Variants in CPT1B observed in about 807,000 individuals in gnomAD.
CPT1B encodes carnitine palmitoyltransferase 1B.
A neutral mutation model predicts 92.7 loss-of-function variants in CPT1B; 57 were observed. That is an observed-to-expected ratio of 0.62 (90% CI 0.50 to 0.77). The LOEUF (loss-of-function observed/expected upper bound fraction) is 0.77. CPT1B is among the 30% of genes least tolerant of loss of function. CPT1B has a pLI of 0.00. For synonymous variants in CPT1B, 398 were observed against 383.5 expected (o/e 1.04, Z -0.44); for missense variants, 983 against 1,017.4 (o/e 0.97, Z 0.46).
chr22:50,577,960 G>A (rs376200096), intron 1 of CPT1B, 26 bp from the exon 2 acceptor site: 26 of 1,569,772 alleles, frequency 1.7e-5, no homozygotes, highest in East Asian at 2.3e-5. Flanking sequence ...ATGGGTGCGC[G>A]GGCGCGCTTA....
In CPT1B at chr22:50,572,919, G is replaced by C. The variant is rs34744246; in HGVS notation, c.1308C>G (p.Leu436=). ...GTAGCAGGGCCTTGCCATAGAGGCT[G>C]AGGCTGGCCTCATCTTCGGGGTCAT... The part of the protein sequence containing the change: ...YSYDPEDEAS[L]SLYGKALLHG... Residue 436 remains leucine (L), a synonymous_variant, in exon 11 of 20, where the codon CTC becomes CTG. Transcript: ENST00000312108. The C allele has an allele frequency of 6.2e-7, 1 of 1,613,252 alleles. No individual in the cohort carries two copies. The highest frequency in any genetic ancestry group is 2.2e-5 in the East Asian group (1 of 44,852).
Position 50,573,507 on chromosome 22 carries a change from T to G in CPT1B, c.1166+13A>C, listed in dbSNP as rs131760. On this transcript the variant is annotated intron_variant, in intron 10 of 19. Coordinates refer to ENST00000312108, the MANE Select transcript of CPT1B (RefSeq NM_152246.3). This position sits in a 1 kb window ranked among gnomAD's most constrained non-coding sequence, Gnocchi z 5.0. ...ACTCAGGGTGGGGACAGTCCCTTCCTAGAGGCCAATACCTTCCTCCTGCAG... is the reference window on the plus strand; with the variant it reads ...ACTCAGGGTGGGGACAGTCCCTTCCGAGAGGCCAATACCTTCCTCCTGCAG... 1 of 1,592,920 alleles carries G rather than the reference T, an allele frequency of 6.3e-7. No homozygotes were observed. The highest frequency in any genetic ancestry group is 8.6e-7 in the Non-Finnish European group (1 of 1,167,330).
chr22:50,574,723 T>C, intron 7 of CPT1B, 123 bp from the exon 8 acceptor site: 1 of 714,398 alleles, frequency 1.4e-6, no homozygotes, highest in Non-Finnish European at 2.5e-6. Context: ...CAGTACATCC[T>C]GCACATGCTG....
intron 11 of CPT1B, among the ~76,000 whole-genome samples, chr22:50,572,629 T>TAGCCCTACCCAACC (rs1555892496): frequency 6.6e-6 from 1 of 151,880 alleles, no homozygotes; most frequent in Non-Finnish European, 1.5e-5. Context: ...CCCTAGCCAC[T>TAGCCCTACCCAACC]AGCCCTACCC....
intron 6 of CPT1B, 35 bp downstream of exon 6, chr22:50,576,163 G>C (rs759747274): frequency 5.0e-6 from 8 of 1,614,066 alleles, no homozygotes; most frequent in Non-Finnish European, 6.8e-6. Context: ...CAGGACACAT[G>C]GCAGGTGACA....
At position 50,576,264 on chromosome 22, in the gene CPT1B, G is replaced by A; in HGVS notation, c.633C>T (p.Phe211=). 2 of 1,614,042 alleles carry A rather than the reference G, an allele frequency of 1.2e-6. No homozygotes were observed. Among genetic ancestry groups the A allele is most frequent in the East Asian group, 2.2e-5 (1 of 44,876 alleles). The change falls in exon 6 of 20, where the codon TTC becomes TTT. Residue 211 remains phenylalanine (F), a synonymous_variant. Coordinates refer to ENST00000312108, the MANE Select transcript of CPT1B (RefSeq NM_152246.3). The stretch of plus-strand genomic sequence containing the variant: ...GCAGCCTGGGGGCAGTCTTGTCCTG[G>A]AATTCTTTGGCCAGCAACTCCATGC... ...YYRMELLAKE[F]QDKTAPRLQK...
Position 50,571,047 on chromosome 22 carries a change from C to T in CPT1B, c.1876-4G>A, listed in dbSNP as rs376411523. The T allele has an allele frequency of 5.4e-5, 87 of 1,613,632 alleles. No homozygotes were observed. In the African/African-American group the frequency reaches 9.9e-4, roughly 18 times the overall value. On this transcript the variant is annotated splice_region_variant and splice_polypyrimidine_tract_variant and intron_variant, in intron 15 of 19. Coordinates refer to ENST00000312108, the MANE Select transcript of CPT1B (RefSeq NM_152246.3). Reference sequence around the variant, plus strand: ...AGAGATCTCGCAGGTCTGCTTTCTGCGGGGCAGAAGTAAAGGGGTGAAGAG... The same window carrying T: ...AGAGATCTCGCAGGTCTGCTTTCTGTGGGGCAGAAGTAAAGGGGTGAAGAG...
intron 4 of CPT1B, 76 bp downstream of exon 4, chr22:50,576,781 G>C (rs140515): frequency 0.63 from 995,883 of 1,586,846 alleles, 317,839 homozygotes; most frequent in East Asian, 0.96. Flanking sequence ...TGCCTCTCCC[G>C]TCTAGCTCAG....
At position 50,574,378 on chromosome 22, in the gene CPT1B, C is replaced by T; in HGVS notation, c.927G>A (p.Met309Ile). 6.2e-7 allele frequency: 1 copy of T among 1,614,062 alleles called. No individual in the cohort carries two copies. Among genetic ancestry groups the T allele is most frequent in the Non-Finnish European group, 8.5e-7 (1 of 1,179,982 alleles). ...LGIVPMCSYQ[M>I]ERMFNTTRIP... ...TCCGAGTGGTGTTGAACATCCTCTC[C>T]ATCTGGTAGGAGCACATAGGCACTA... The change falls in exon 9 of 20, where the codon ATG (methionine) becomes ATA (isoleucine). Residue 309 changes from methionine (M) to isoleucine (I), a missense_variant. Met to Ile is a conservative substitution (Grantham distance 10). Coordinates refer to ENST00000312108, the MANE Select transcript of CPT1B (RefSeq NM_152246.3).
At chr22:50,577,216 C>G (rs2070485974) in intron 3 of CPT1B, 108 bp downstream of exon 3, 1 of 1,479,230 alleles carries the variant, frequency 6.8e-7, no homozygotes, top group Non-Finnish European at 9.2e-7. Flanking sequence ...TGCCCCGTGA[C>G]TGCCAATGGC....
Position 50,569,576 on chromosome 22 carries a change from C to T in CPT1B, c.2235G>A (p.Thr745=), listed in dbSNP as rs777673630. Residue 745 remains threonine, a splice_region_variant and synonymous_variant, in exon 18 of 20, where the codon ACG becomes ACA. Transcript: ENST00000312108. Reference sequence around the variant, plus strand: ...GCCTGAGCTGTGGCAGGAGACTCACCGTCTCTGAGCTTGAGAACTTGCTGG... The same window carrying T: ...GCCTGAGCTGTGGCAGGAGACTCACTGTCTCTGAGCTTGAGAACTTGCTGG... ...HISSKFSSSE[T]NAQRFGNHIR... 20 of 1,613,506 alleles carry T rather than the reference C, an allele frequency of 1.2e-5. No individual in the cohort carries two copies. Among genetic ancestry groups the T allele is most frequent in the East Asian group, 6.7e-5 (3 of 44,900 alleles).
At chr22:50,577,300 T>C (rs201284775) in intron 3 of CPT1B, 24 bp downstream of exon 3, 19 of 1,612,716 alleles carry the variant, frequency 1.2e-5, no homozygotes, top group Non-Finnish European at 1.6e-5. Flanking sequence ...GTGGCACCTG[T>C]GCCCTTCCAG....
rs780268095 is a variant in CPT1B at position 50,571,031 on chromosome 22, G to A, written c.1888C>T (p.Arg630Ter). ...MEGSHTKADLRDLFQKAAKKH... is the reference protein window; with the variant it reads ...MEGSHTKADL ...TTAGCAGCCTTCTGGAAGAGATCTC[G>A]CAGGTCTGCTTTCTGCGGGGCAGAA... Residue 630 changes from arginine to a stop codon, truncating the protein, a stop_gained, in exon 16 of 20, where the codon CGA (arginine) becomes TGA (stop). Transcript: ENST00000312108. LOFTEE classifies it high-confidence loss of function. The A allele has an allele frequency of 6.2e-6, 10 of 1,613,896 alleles. No individual in the cohort carries two copies. The highest frequency in any genetic ancestry group is 2.2e-5 in the East Asian group (1 of 44,894).
chr22:50,570,461 C>G lies in CPT1B; in HGVS notation c.2029-55G>C. ...CCACATACCCAAAGCACCTGTCCAA[C>G]ACGTGGTGTCTGCGACCTACTCTGA... On this transcript the variant is annotated intron_variant, in intron 16 of 19. Coordinates refer to ENST00000312108, the MANE Select transcript of CPT1B (RefSeq NM_152246.3). 1.6e-5 allele frequency: 22 copies of G among 1,385,700 alleles called. 1 individual carries two copies. The highest frequency in any genetic ancestry group is 2.2e-5 in the Non-Finnish European group (22 of 1,005,328). 85.8% of individuals were successfully genotyped at this position (1,385,700 alleles called of 1,614,324 possible).
chr22:50,569,497 C>T, intron 18 of CPT1B, 76 bp from the exon 19 acceptor site: 1 of 1,606,886 alleles, frequency 6.2e-7, no homozygotes, highest in Non-Finnish European at 8.5e-7. Flanking sequence ...GGATGCCTCC[C>T]CAGCCAAAGA....
chr22:50,576,644 G>T lies in CPT1B; in HGVS notation c.460-7C>A, dbSNP rs910419041. The stretch of plus-strand genomic sequence containing the variant: ...ATAGAAGGCGGATACACATCTGGGG[G>T]TACAGAGCAGAGTGCTGGGGTGGGA... On this transcript the variant is annotated splice_region_variant and splice_polypyrimidine_tract_variant and intron_variant, in intron 4 of 19. Coordinates refer to ENST00000312108, the MANE Select transcript of CPT1B (RefSeq NM_152246.3). 4.3e-6 allele frequency: 7 copies of T among 1,610,104 alleles called. No individual in the cohort carries two copies. Among genetic ancestry groups the T allele is most frequent in the Non-Finnish European group, 5.9e-6 (7 of 1,178,178 alleles).
chr22:50,571,278 G>T lies in CPT1B; in HGVS notation c.1755C>A (p.Phe585Leu). The change falls in exon 15 of 20, where the codon TTC becomes TTA. Residue 585 changes from phenylalanine to leucine, a missense_variant. By Grantham distance (22) the Phe-to-Leu change is conservative. Coordinates refer to ENST00000312108, the MANE Select transcript of CPT1B (RefSeq NM_152246.3). The stretch of plus-strand genomic sequence containing the variant: ...TCATTGAGGCCTCATAGGTCAGGCA[G>T]AACTTACCCCTGTCCTGGGATATAC... ...QLAHFRDRGK[F>L]CLTYEASMTR... 1 of 1,613,904 alleles carries T rather than the reference G, an allele frequency of 6.2e-7. No homozygotes were observed. Among genetic ancestry groups the T allele is most frequent in the Non-Finnish European group, 8.5e-7 (1 of 1,180,032 alleles).
Position 50,576,959 on chromosome 22 carries a change from C to T in CPT1B, c.357G>A (p.Thr119=), listed in dbSNP as rs145406536. 1.7e-5 allele frequency: 27 copies of T among 1,613,970 alleles called. No individual in the cohort carries two copies. The highest frequency in any genetic ancestry group is 1.4e-4 in the South Asian group (13 of 91,090). The part of the protein sequence containing the change: ...MAIFSTGVWV[T]GIFFFRQTLK... ...GGGTTTGGCGGAAGAAGAAGATGCC[C>T]GTCACCCAGACGCCCGTGGAGAAGA... The change falls in exon 4 of 20, where the codon ACG becomes ACA. Residue 119 remains threonine (T), a synonymous_variant. Coordinates refer to ENST00000312108, the MANE Select transcript of CPT1B (RefSeq NM_152246.3).
chr22:50,577,638 C>T (rs933726326), intron 2 of CPT1B, 137 bp downstream of exon 2: 45 of 1,425,288 alleles, frequency 3.2e-5, no homozygotes, highest in Non-Finnish European at 4.0e-5. Context: ...ATCCTGTGCA[C>T]CCCTCTGGTG....
Sources: allele counts gnomAD v4.1 joint callset (sites outside exome capture counted in the v4.1 genomes callset), GRCh38; gene constraint gnomAD v4.1.1; non-coding constraint Gnocchi (gnomAD v3.1); transcripts MANE v1.5; gene names NCBI Gene and HGNC (gene_info 2026-07-23, HGNC 2026-07-21).